FAM135A: variants seen among roughly 807,000 people sequenced by gnomAD.
The protein encoded by FAM135A is protein FAM135A.
Under a neutral mutation model 146.8 loss-of-function variants are expected in FAM135A, and 79 were observed. The ratio of observed to expected loss-of-function variants is 0.54; its 90% CI spans 0.45 to 0.65. FAM135A has a LOEUF of 0.65. FAM135A is among the 30% of genes least tolerant of loss of function. FAM135A has a pLI of 0.00. For missense variants in FAM135A, 1,623 were observed against 1,758.2 expected, an observed-to-expected ratio of 0.92 and a Z score of 1.38; for synonymous variants, 562 against 603.6, an observed-to-expected ratio of 0.93 and a Z score of 1.01.
rs61741591 is a variant in FAM135A at position 70,525,670 on chromosome 6, A to G, written c.2586A>G (p.Glu862=). Residue 862 remains glutamate (E), a synonymous_variant, in exon 15 of 22, where the codon GAA becomes GAG. Coordinates refer to ENST00000418814, the MANE Select transcript of FAM135A (RefSeq NM_001162529.3). ...ATTCTAAGAAATCTGTTGTACCTGAATGCCATCTAAATGATAGCAAAACTG... is the reference window on the plus strand; with the variant it reads ...ATTCTAAGAAATCTGTTGTACCTGAGTGCCATCTAAATGATAGCAAAACTG... The part of the protein sequence containing the change: ...DENSKKSVVP[E]CHLNDSKTVL... 206 of 1,612,584 alleles carry G rather than the reference A, an allele frequency of 1.3e-4. No individual in the cohort carries two copies. Among genetic ancestry groups the G allele is most frequent in the Middle Eastern group, 1.6e-4 (1 of 6,072 alleles).
At chr6:70,515,624 G>A (rs1433555733) in intron 12 of FAM135A, among the ~76,000 whole-genome samples, 4 of 152,086 alleles carry the variant, frequency 2.6e-5, no homozygotes, top group Admixed American at 2.6e-4. Context: ...GGGACAGGTA[G>A]GTAGAGCACA....
At chr6:70,538,832 T>C (rs1050859863) in intron 20 of FAM135A, among the ~76,000 whole-genome samples, 3 of 146,464 alleles carry the variant, frequency 2.0e-5, no homozygotes, top group Non-Finnish European at 4.5e-5. Context: ...TATATTATAT[T>C]ATATTATATT....
At chr6:70,495,153 T>C (rs886285314) in intron 11 of FAM135A, among the ~76,000 whole-genome samples, 3 of 152,218 alleles carry the variant, frequency 2.0e-5, no homozygotes, top group Admixed American at 1.3e-4. Flanking sequence ...TGAATATTTA[T>C]TCATTATGTC....
At chr6:70,464,733 C>T (rs1193067900) in intron 5 of FAM135A, among the ~76,000 whole-genome samples, 8 of 125,008 alleles carry the variant, frequency 6.4e-5, no homozygotes, top group Non-Finnish European at 1.3e-4. Flanking sequence ...GTGGTGTGAT[C>T]TCGGCTCACT....
Position 70,526,126 on chromosome 6 carries a change from A to C in FAM135A, c.3042A>C (p.Thr1014=), listed in dbSNP as rs1293327101. 1 of 1,613,540 alleles carries C rather than the reference A, an allele frequency of 6.2e-7. No homozygotes were observed. The highest frequency in any genetic ancestry group is 8.5e-7 in the Non-Finnish European group (1 of 1,179,686). ...CACAGATGTATTCAGAAATCCCTAC[A>C]GTTGAAAGTGAAACTCATCTGGGTA... ...NLTQMYSEIP[T]VESETHLGTS... is the part of the protein sequence containing the mutation. Residue 1014 remains threonine (T), a synonymous_variant, in exon 15 of 22, where the codon ACA becomes ACC. Coordinates refer to ENST00000418814, the MANE Select transcript of FAM135A (RefSeq NM_001162529.3).
intron 20 of FAM135A, among the ~76,000 whole-genome samples, chr6:70,552,170 C>CA (rs771304094): frequency 1.3e-5 from 2 of 152,138 alleles, no homozygotes; most frequent in Non-Finnish European, 2.9e-5. Context: ...ACAATACTAA[C>CA]AAACATCTGG....
chr6:70,454,318 G>C (rs751766705), intron 5 of FAM135A, among the ~76,000 whole-genome samples: 5 of 152,194 alleles, frequency 3.3e-5, no homozygotes, highest in Admixed American at 1.3e-4. Flanking sequence ...CCCTTTGTCA[G>C]ATGGGTAGAT....
intron 12 of FAM135A, chr6:70,504,196 T>C (rs920008355): frequency 6.6e-6 from 1 of 152,246 alleles, no homozygotes; most frequent in African/African-American, 2.4e-5. Context: ...TTATTGTGGC[T>C]TTAATTTGCA....
intron 4 of FAM135A, among the ~76,000 whole-genome samples, chr6:70,450,338 TAGCTC>T (rs1776750963): frequency 6.6e-6 from 1 of 152,206 alleles, no homozygotes; most frequent in Non-Finnish European, 1.5e-5. Flanking sequence ...CAAGAAATCA[TAGCTC>T]AGAACAATGT....
At chr6:70,502,144 G>T (rs1788699746) in intron 11 of FAM135A, among the ~76,000 whole-genome samples, 1 of 152,132 alleles carries the variant, frequency 6.6e-6, no homozygotes, top group African/African-American at 2.4e-5. Flanking sequence ...TAAGAACATA[G>T]GAGTGAGAGA....
chr6:70,444,591 T>A (rs541035014), intron 4 of FAM135A, among the ~76,000 whole-genome samples: 60 of 151,972 alleles, frequency 3.9e-4, no homozygotes, highest in African/African-American at 1.2e-3. Flanking sequence ...AAGAAAAAAA[T>A]TTATTTATCT....
chr6:70,491,142 T>A, intron 11 of FAM135A, 59 bp downstream of exon 11: 1 of 1,350,358 alleles, frequency 7.4e-7, no homozygotes, highest in Non-Finnish European at 1.0e-6. Context: ...TGTTTCCTAT[T>A]CTAAATATTT....
intron 10 of FAM135A, 71 bp downstream of exon 10, chr6:70,482,225 A>G: frequency 6.8e-7 from 1 of 1,476,460 alleles, no homozygotes; most frequent in Non-Finnish European, 9.1e-7. Context: ...GCTAGCTATC[A>G]GCTTTGCCAT....
intron 10 of FAM135A, chr6:70,486,106 T>C: frequency 6.9e-7 from 1 of 1,456,714 alleles, no homozygotes; most frequent in Non-Finnish European, 9.5e-7. Flanking sequence ...TGGAAAATTC[T>C]AGTAAGTTTT....
At position 70,559,995 on chromosome 6, in the gene FAM135A, T is replaced by C; in HGVS notation, c.*74T>C. The C allele has an allele frequency of 8.6e-7, 1 of 1,157,176 alleles. No individual in the cohort carries two copies. Among genetic ancestry groups the C allele is most frequent in the Non-Finnish European group, 1.2e-6 (1 of 815,682 alleles). The allele number at this position is 1,157,176 out of a possible 1,614,324, so 71.7% of individuals were successfully genotyped here. A position where few individuals can be genotyped will look rare whatever the true frequency, so the allele number is the denominator to read the frequency against. ...TCAAATAATGTATTATATTAAAATG[T>C]AGATGCTGATAAGTTCTAAGAAATA... On this transcript the variant is annotated 3_prime_UTR_variant, in exon 22 of 22. Transcript: ENST00000418814.
At chr6:70,438,254 C>T (rs1773669635) in intron 4 of FAM135A, among the ~76,000 whole-genome samples, 1 of 152,166 alleles carries the variant, frequency 6.6e-6, no homozygotes, top group Non-Finnish European at 1.5e-5. Context: ...TAAAAGACAT[C>T]TCATATTTTG....
intron 11 of FAM135A, among the ~76,000 whole-genome samples, chr6:70,499,789 T>G (rs1337306799): frequency 6.6e-6 from 1 of 152,188 alleles, no homozygotes; most frequent in Non-Finnish European, 1.5e-5. Flanking sequence ...CTTTTGAGAA[T>G]GTTGAATATT....
chr6:70,518,615 A>G (rs1364726640), intron 12 of FAM135A, among the ~76,000 whole-genome samples: 1 of 152,232 alleles, frequency 6.6e-6, no homozygotes, highest in Admixed American at 6.5e-5. Flanking sequence ...GAGCTAATGT[A>G]ACTGGTGCCT....
In FAM135A at chr6:70,510,304, T is replaced by A. The variant is rs12527634; in HGVS notation, c.1029+7513T>A. ...TTTGAGGGTAACAGATTTTATGTAA[T>A]GCAAATTAACCATTAACAATTTTAA... is the stretch of plus-strand genomic sequence containing the variant. On this transcript the variant is annotated intron_variant, in intron 12 of 21. Coordinates refer to ENST00000418814, the MANE Select transcript of FAM135A (RefSeq NM_001162529.3). Among the ~76,000 whole-genome samples, 3 of 151,912 alleles carry A rather than the reference T, an allele frequency of 2.0e-5. No individual in the cohort carries two copies. In the East Asian group the frequency reaches 5.8e-4, roughly 29 times the overall value.
Sources: allele counts gnomAD v4.1 joint callset (sites outside exome capture counted in the v4.1 genomes callset), GRCh38; gene constraint gnomAD v4.1.1; transcripts MANE v1.5; gene names NCBI Gene and HGNC (gene_info 2026-07-23, HGNC 2026-07-21).